Variants in BNC2 observed in about 807,000 individuals in gnomAD.
The protein encoded by BNC2 is basonuclin zinc finger protein 2.
A neutral mutation model predicts 76.3 loss-of-function variants in BNC2; 20 were observed. That is an observed-to-expected ratio of 0.26 (90% CI 0.18 to 0.38). BNC2 has a LOEUF of 0.38. BNC2 is among the 10% of genes least tolerant of loss of function. The pLI is 1.00. For missense variants in BNC2, 1,382 were observed against 1,399.8 expected (o/e 0.99, Z 0.20); for synonymous variants, 582 against 514.8 (o/e 1.13, Z -1.77).
intron 3 of BNC2, among the ~76,000 whole-genome samples, chr9:16,665,365 T>C (rs1822241126): frequency 1.3e-5 from 1 of 77,698 alleles, no homozygotes. Flanking sequence ...AGTGAACCTC[T>C]GTCTCAAAAA....
At chr9:16,721,118 C>T (rs747792200) in intron 3 of BNC2, among the ~76,000 whole-genome samples, 4 of 152,198 alleles carry the variant, frequency 2.6e-5, no homozygotes, top group Admixed American at 6.5e-5. Flanking sequence ...CCCTGGATGT[C>T]ATGGCCCCAG....
chr9:16,465,678 A>G (rs80092004), intron 5 of BNC2, among the ~76,000 whole-genome samples: 5,364 of 152,270 alleles, frequency 0.035, 264 homozygotes, highest in African/African-American at 0.1. Flanking sequence ...AAGACAAATT[A>G]TAACAAGATA....
At chr9:16,727,590 C>CTTTT in intron 3 of BNC2, 3 of 572,740 alleles carry the variant, frequency 5.2e-6, no homozygotes, top group African/African-American at 1.9e-5. Flanking sequence ...ATCCTTTCCC[C>CTTTT]TTTTTCTTTT....
rs568474777 is a variant in BNC2 at position 16,448,826 on chromosome 9, G to A, written c.670-11302C>T. 1.4e-4 allele frequency among the ~76,000 whole-genome samples: 21 copies of A among 152,298 alleles called. No individual in the cohort carries two copies. The East Asian group carries it at 3.9e-3, about 28-fold the overall frequency. ...TTATTACTTGTAACACATACACAAG[G>A]CTGTTAATGGATCTACTTTCCTTTG... On this transcript the variant is annotated intron_variant, in intron 5 of 6. Transcript: ENST00000380672.
chr9:16,774,960 C>G (rs138968837), intron 1 of BNC2, among the ~76,000 whole-genome samples: 206 of 152,286 alleles, frequency 1.4e-3, no homozygotes, highest in African/African-American at 4.9e-3. Context: ...TCAGTTATAT[C>G]TGTCATGTAC....
intron 1 of BNC2, among the ~76,000 whole-genome samples, chr9:16,794,729 G>A (rs1445434567): frequency 1.3e-5 from 2 of 152,118 alleles, no homozygotes; most frequent in Non-Finnish European, 2.9e-5. Flanking sequence ...ACACCATGAA[G>A]CAAAATTAAC....
At chr9:16,659,197 C>T (rs1055701639) in intron 3 of BNC2, among the ~76,000 whole-genome samples, 6 of 152,018 alleles carry the variant, frequency 3.9e-5, no homozygotes, top group African/African-American at 7.2e-5. Flanking sequence ...ATGCAGAGGG[C>T]CCTGACAATA....
At chr9:16,506,954 C>T (rs748809818) in intron 5 of BNC2, among the ~76,000 whole-genome samples, 23 of 152,028 alleles carry the variant, frequency 1.5e-4, no homozygotes, top group Middle Eastern at 3.4e-3. Context: ...GGTTTCACAC[C>T]ACATTGACCA....
intron 6 of BNC2, among the ~76,000 whole-genome samples, chr9:16,430,447 C>A (rs1441856649): frequency 6.6e-6 from 1 of 152,106 alleles, no homozygotes; most frequent in African/African-American, 2.4e-5. Context: ...GAGGTATTGC[C>A]TGGTGAAATC....
intron 5 of BNC2, among the ~76,000 whole-genome samples, chr9:16,518,612 TTTG>T (rs1300860638): frequency 2.1e-5 from 1 of 47,618 alleles, no homozygotes; most frequent in Non-Finnish European, 3.6e-5. Context: ...TTGTTTGTTT[TTTG>T]TTTTTTGTTT....
chr9:16,780,988 T>C (rs1258534162), intron 1 of BNC2, among the ~76,000 whole-genome samples: 4 of 152,020 alleles, frequency 2.6e-5, no homozygotes, highest in Admixed American at 2.6e-4. Context: ...AAATTCTCTA[T>C]AAGATATAAT....
chr9:16,763,434 G>C (rs1274183830), intron 1 of BNC2, among the ~76,000 whole-genome samples: 1 of 152,030 alleles, frequency 6.6e-6, no homozygotes, highest in Non-Finnish European at 1.5e-5. Flanking sequence ...GCCGGCCATA[G>C]TGACATGCAC....
intron 1 of BNC2, among the ~76,000 whole-genome samples, chr9:16,820,114 G>A (rs1220005750): frequency 2.3e-5 from 2 of 85,344 alleles, no homozygotes; most frequent in Admixed American, 3.8e-4. Flanking sequence ...AACAGAGTGA[G>A]ACTGTCTCAA....
chr9:16,649,617 G>C (rs1480359953), intron 3 of BNC2, among the ~76,000 whole-genome samples: 1 of 152,110 alleles, frequency 6.6e-6, no homozygotes, highest in African/African-American at 2.4e-5. Context: ...AGCTTGAAAA[G>C]CCACTTCTAC....
At chr9:16,777,312 G>A (rs1054756835) in intron 1 of BNC2, among the ~76,000 whole-genome samples, 6 of 152,066 alleles carry the variant, frequency 3.9e-5, no homozygotes, top group Non-Finnish European at 7.4e-5. Flanking sequence ...GGGACATTCT[G>A]CCACATGAGT....
At chr9:16,659,261 C>T (rs10115913) in intron 3 of BNC2, among the ~76,000 whole-genome samples, 78,693 of 152,002 alleles carry the variant, frequency 0.52, 20,581 homozygotes, top group East Asian at 0.63. Flanking sequence ...TCCGTTTCAT[C>T]GTGCCCTTCT....
intron 3 of BNC2, among the ~76,000 whole-genome samples, chr9:16,657,239 A>G (rs1056160824): frequency 2.6e-5 from 4 of 152,324 alleles, no homozygotes; most frequent in Non-Finnish European, 5.9e-5. Context: ...TACCTGGAAA[A>G]GATTTATGTT....
intron 5 of BNC2, among the ~76,000 whole-genome samples, chr9:16,495,080 G>C (rs1822359194): frequency 1.3e-5 from 2 of 152,170 alleles, no homozygotes; most frequent in South Asian, 4.1e-4. Flanking sequence ...TAAAGAACAG[G>C]TTGGCGGAGA....
At chr9:16,521,219 T>G (rs1245167613) in intron 5 of BNC2, among the ~76,000 whole-genome samples, 1 of 152,140 alleles carries the variant, frequency 6.6e-6, no homozygotes, top group Non-Finnish European at 1.5e-5. Flanking sequence ...CCAGGAAAGG[T>G]CTGCCAGAGG....
Sources: allele counts gnomAD v4.1 joint callset (sites outside exome capture counted in the v4.1 genomes callset), GRCh38; gene constraint gnomAD v4.1.1; transcripts MANE v1.5; gene names NCBI Gene and HGNC (gene_info 2026-07-23, HGNC 2026-07-21).